Variants in PDE4DIP observed in about 807,000 individuals in gnomAD.
PDE4DIP encodes the protein phosphodiesterase 4D interacting protein, also known as myomegalin.
Under a neutral mutation model 221.4 loss-of-function variants are expected in PDE4DIP, and 59 were observed. The observed-to-expected ratio is 0.27, with a 90% confidence interval of 0.22 to 0.33. PDE4DIP has a LOEUF of 0.33. Ranked by LOEUF, PDE4DIP falls within the 10% of genes least tolerant of loss-of-function variation. The pLI, the probability that PDE4DIP is intolerant of heterozygous loss-of-function variation, is 1.00. For synonymous variants in PDE4DIP, 404 were observed against 815.9 expected (o/e 0.50, Z 8.60); for missense variants, 1,036 against 2,154.2 (o/e 0.48, Z 10.28).
At chr1:148,927,413 T>C (rs1168961048) in intron 1 of PDE4DIP, among the ~76,000 whole-genome samples, 1 of 152,050 alleles carries the variant, frequency 6.6e-6, no homozygotes, top group African/African-American at 2.4e-5. Context: ...TAAAATTCTT[T>C]AATTCTAAGT....
chr1:148,981,620 C>T (rs2061083199), intron 21 of PDE4DIP: 5 of 511,926 alleles, frequency 9.8e-6, no homozygotes, highest in Admixed American at 3.2e-5. Flanking sequence ...ACTGTACATA[C>T]ATATCAATCC....
At chr1:149,010,459 G>C in exon 31 of PDE4DIP, 1 of 1,612,988 alleles carries the variant, frequency 6.2e-7, no homozygotes, top group Non-Finnish European at 8.5e-7. Flanking sequence ...TCCATCATTC[G>C]AGTCATTCTG....
At position 148,954,791 on chromosome 1, in the gene PDE4DIP, A is replaced by G. The variant is rs1375222254; in HGVS notation, c.637-5863A>G. Among the ~76,000 whole-genome samples the G allele has an allele frequency of 1.4e-4, 22 of 152,136 alleles. No individual in the cohort carries two copies. The East Asian group carries it at 1.9e-3, about 13-fold the overall frequency. ...ATAGCAACAGTAAATGCTAGCTTCA[A>G]TAAACTTTGTGAAACATTCTGGCAT... On this transcript the variant is annotated intron_variant, in intron 5 of 43. Coordinates refer to ENST00000369354, the Ensembl canonical transcript of PDE4DIP.
At chr1:148,952,061 A>T (rs2053492185) in intron 5 of PDE4DIP, 1 of 1,011,964 alleles carries the variant, frequency 9.9e-7, no homozygotes, top group African/African-American at 1.7e-5. Context: ...CCGAGAATGC[A>T]GGGAGGGGAT....
intron 4 of PDE4DIP, among the ~76,000 whole-genome samples, chr1:148,937,193 C>A (rs1385323977): frequency 6.6e-6 from 1 of 152,128 alleles, no homozygotes; most frequent in Non-Finnish European, 1.5e-5. Context: ...CCAGTATAAT[C>A]TTATTGGACC....
intron 35 of PDE4DIP, among the ~76,000 whole-genome samples, chr1:149,019,837 C>T (rs1288874638): frequency 1.3e-5 from 2 of 151,892 alleles, no homozygotes; most frequent in African/African-American, 4.8e-5. Context: ...TGATCTTTGT[C>T]AAAATTCAAG....
At chr1:148,924,110 A>G in intron 1 of PDE4DIP, among the ~76,000 whole-genome samples, 1 of 152,298 alleles carries the variant, frequency 6.6e-6, no homozygotes, top group East Asian at 1.9e-4. Context: ...CAGGTGTAGA[A>G]ATATGAAGCA....
At position 148,844,316 on chromosome 1, in the gene PDE4DIP, G is replaced by C. The variant is rs1368057692; in HGVS notation, c.234-18934G>C. 219 of 757,496 alleles carry C rather than the reference G, an allele frequency of 2.9e-4. 11 individuals are homozygous for C. The highest frequency in any genetic ancestry group is 4.1e-4 in the Admixed American group (7 of 16,944). 46.9% of individuals were successfully genotyped at this position (757,496 alleles called of 1,614,324 possible). A position where few individuals can be genotyped will look rare whatever the true frequency, so the allele number is the denominator to read the frequency against. On this transcript the variant is annotated intron_variant, in intron 1 of 45. Coordinates refer to the PDE4DIP transcript ENST00000524974. ...GAGGGGTCGGGGAGACGCGAGGGTG[G>C]TTCAGGGGGCGTGTAACCTGGGCCG...
intron 23 of PDE4DIP, among the ~76,000 whole-genome samples, chr1:149,001,010 C>A (rs2065519700): frequency 1.3e-5 from 2 of 150,838 alleles, no homozygotes; most frequent in African/African-American, 4.9e-5. Flanking sequence ...TGTGTAGGTA[C>A]TGGGGATATG....
Position 148,980,279 on chromosome 1 carries a change from C to CTACTCGG in PDE4DIP, c.2687+431_2687+437dup, listed in dbSNP as rs779688853. Reference sequence around the variant, plus strand: ...AGGTAGCGCGCGCCTGTAGTCCCAGCTACTCGGGAAGCTGAGGCAGGAGAC... The same window carrying CTACTCGG: ...AGGTAGCGCGCGCCTGTAGTCCCAGCTACTCGGTACTCGGGAAGCTGAGGCAGGAGAC... On this transcript the variant is annotated intron_variant, in intron 20 of 43. Transcript: ENST00000369354. Among the ~76,000 whole-genome samples, 281 of 152,270 alleles carry CTACTCGG rather than the reference C, an allele frequency of 1.8e-3. 1 individual carries two copies. Among genetic ancestry groups the CTACTCGG allele is most frequent in the Non-Finnish European group, 3.1e-3 (210 of 68,010 alleles).
intron 4 of PDE4DIP, among the ~76,000 whole-genome samples, chr1:148,933,539 G>C (rs1275340915): frequency 1.3e-5 from 2 of 152,190 alleles, no homozygotes; most frequent in African/African-American, 4.8e-5. Flanking sequence ...ATAATTCAGA[G>C]TAGTTCTGAA....
chr1:149,010,552 A>G (rs2068296419), exon 31 of PDE4DIP: 57 of 1,614,138 alleles, frequency 3.5e-5, no homozygotes, highest in Non-Finnish European at 4.8e-5. Context: ...TCAGCTTGCC[A>G]ACTCCCCAGA....
At chr1:148,861,911 TCAAA>T (rs1553401395) in intron 1 of PDE4DIP, among the ~76,000 whole-genome samples, 1 of 96,734 alleles carries the variant, frequency 1.0e-5, no homozygotes, top group Non-Finnish European at 2.1e-5. Flanking sequence ...TTGAAAGGCT[TCAAA>T]CAGTCTGCGC....
chr1:148,958,742 TATG>T (rs2056062085), intron 5 of PDE4DIP, among the ~76,000 whole-genome samples: 1 of 151,050 alleles, frequency 6.6e-6, no homozygotes, highest in Non-Finnish European at 1.5e-5. Context: ...TTTACATGTT[TATG>T]ATAACATTTT....
rs71246354 is a variant in PDE4DIP at position 149,027,301 on chromosome 1, C to T, written c.6443-100C>T. The stretch of plus-strand genomic sequence containing the variant: ...AGGCTTCCTTTCTTGTTCCCGGCCT[C>T]GTCCTTTTCTTGTTCCCTACCTCTT... On this transcript the variant is annotated intron_variant, in intron 39 of 43. Transcript: ENST00000369354. 1.3e-4 allele frequency: 76 copies of T among 602,534 alleles called. No individual in the cohort carries two copies. The Middle Eastern group carries it at 1.8e-3, about 14-fold the overall frequency. 37.3% of individuals were successfully genotyped at this position (602,534 alleles called of 1,614,324 possible). A position where few individuals can be genotyped will look rare whatever the true frequency, so the allele number is the denominator to read the frequency against.
At chr1:148,889,620 CGCCGTAGCCCCAGCCTCTCGGTCCGCAG>C in exon 1 of PDE4DIP, 3 of 1,243,938 alleles carry the variant, frequency 2.4e-6, no homozygotes, top group Non-Finnish European at 2.2e-6. Flanking sequence ...GGGGCCATGT[CGCCGTAGCCCCAGCCTCTCGGTCCGCAG>C]CCTCAGCAGC....
exon 34 of PDE4DIP, chr1:149,017,804 G>A (rs2071196011): frequency 1.2e-6 from 2 of 1,610,152 alleles, no homozygotes; most frequent in Non-Finnish European, 1.7e-6. Flanking sequence ...CCAGCGCCTG[G>A]AGGAATCCAT....
intron 31 of PDE4DIP, 71 bp downstream of exon 34, chr1:149,010,666 G>A: frequency 3.3e-6 from 5 of 1,515,858 alleles, no homozygotes; most frequent in South Asian, 1.2e-5. Flanking sequence ...TTTCTTCAAC[G>A]ACAGAGGTTT....
At chr1:148,858,905 G>T (rs1418979641) in intron 1 of PDE4DIP, among the ~76,000 whole-genome samples, 5 of 81,096 alleles carry the variant, frequency 6.2e-5, no homozygotes, top group African/African-American at 1.4e-4. Flanking sequence ...AGAAATAACA[G>T]TTTACGGAGG....
Sources: gnomAD v4.1 joint callset for allele counts (sites outside exome capture counted in the v4.1 genomes callset) on GRCh38, gnomAD v4.1.1 for gene constraint, MANE v1.5 for transcripts, NCBI Gene and HGNC (gene_info 2026-07-23, HGNC 2026-07-21) for gene names.